Variants in MPZ observed in about 807,000 individuals in gnomAD.
MPZ encodes the protein myelin protein zero.
In MPZ, 13 loss-of-function variants were observed where a neutral mutation model predicts 27.9. That is an observed-to-expected ratio of 0.47 (90% CI 0.30 to 0.74). The LOEUF (loss-of-function observed/expected upper bound fraction) is 0.74. Ranked by LOEUF, MPZ falls within the 30% of genes least tolerant of loss-of-function variation. The pLI, the probability that MPZ is intolerant of heterozygous loss-of-function variation, is 0.06. For missense variants in MPZ, 256 were observed against 317.5 expected, an observed-to-expected ratio of 0.81 and a Z score of 1.47; for synonymous variants, 118 against 128.9, an observed-to-expected ratio of 0.92 and a Z score of 0.57.
chr1:161,309,502 C>T (rs1250095356), intron 1 of MPZ, among the ~76,000 whole-genome samples: 1 of 141,240 alleles, frequency 7.1e-6, no homozygotes, highest in East Asian at 2.0e-4. Flanking sequence ...AAAACCTCTA[C>T]TTCCTCCCTC....
Position 161,307,246 on chromosome 1 carries a change from C to A in MPZ, c.234+12G>T. ...TCTGTTATCCAACCCCAGGATTCCC[C>A]CAGGCACTCACCGAAATGGCATCTC... is the stretch of plus-strand genomic sequence containing the variant. On this transcript the variant is annotated intron_variant, in intron 2 of 5. Transcript: ENST00000533357. 6.2e-7 allele frequency: 1 copy of A among 1,614,212 alleles called. No homozygotes were observed. The highest frequency in any genetic ancestry group is 8.5e-7 in the Non-Finnish European group (1 of 1,180,040).
chr1:161,309,552 A>ATATATATATTTTTTTTTTT, intron 1 of MPZ, among the ~76,000 whole-genome samples: 15 of 80,658 alleles, frequency 1.9e-4, no homozygotes, highest in African/African-American at 2.9e-4. Context: ...ATATATATAT[A>ATATATATATTTTTTTTTTT]TTTTTTTTTT....
intron 1 of MPZ, among the ~76,000 whole-genome samples, chr1:161,309,552 A>ATATTTT: frequency 1.2e-4 from 10 of 80,666 alleles, no homozygotes; most frequent in African/African-American, 2.9e-4. Context: ...ATATATATAT[A>ATATTTT]TTTTTTTTTT....
At position 161,306,097 on chromosome 1, in the gene MPZ, G is replaced by T. The variant is rs758959832; in HGVS notation, c.645+11C>A. 4.3e-6 allele frequency: 7 copies of T among 1,614,030 alleles called. No individual in the cohort carries two copies. Among genetic ancestry groups the T allele is most frequent in the Non-Finnish European group, 2.5e-6 (3 of 1,180,018 alleles). On this transcript the variant is annotated intron_variant, in intron 5 of 5. Transcript: ENST00000533357. ...CCTTCCCATCTTGTCTAGGCCCCAA[G>T]TCCCGCTAACCTGCCGCCCGCGCTT...
rs771511424 is a variant in MPZ, at chr1:161,305,823, C to G, written c.*53G>C. ...CATCTCGATGACCATCACCTTTGGG[C>G]CTTTGGCGGACTCCACCCCTAACCC... On this transcript the variant is annotated 3_prime_UTR_variant, in exon 6 of 6. Coordinates refer to ENST00000533357, the MANE Select transcript of MPZ (RefSeq NM_000530.8). The G allele has an allele frequency of 7.4e-7, 1 of 1,350,286 alleles. No homozygotes were observed. Among genetic ancestry groups the G allele is most frequent in the Non-Finnish European group, 1.1e-6 (1 of 952,374 alleles). 83.6% of individuals were successfully genotyped at this position (1,350,286 alleles called of 1,614,324 possible).
At position 161,305,556 on chromosome 1, in the gene MPZ, A is replaced by G; in HGVS notation, c.*320T>C. On this transcript the variant is annotated 3_prime_UTR_variant, in exon 6 of 6. Coordinates refer to ENST00000533357, the MANE Select transcript of MPZ (RefSeq NM_000530.8). ...TGCCTGGGGAATGAATTCTGGAATG[A>G]AACTTACATCTCAAAGGGAGGTGAG... 2.7e-6 allele frequency: 1 copy of G among 375,438 alleles called. No individual in the cohort carries two copies. The highest frequency in any genetic ancestry group is 4.9e-6 in the Non-Finnish European group (1 of 204,544). 23.3% of individuals were successfully genotyped at this position (375,438 alleles called of 1,614,324 possible). A position where few individuals can be genotyped will look rare whatever the true frequency, so the allele number is the denominator to read the frequency against.
At chr1:161,309,552 A>ATATTTTTTTTT in intron 1 of MPZ, among the ~76,000 whole-genome samples, 28 of 80,636 alleles carry the variant, frequency 3.5e-4, no homozygotes, top group African/African-American at 1.5e-3. Context: ...ATATATATAT[A>ATATTTTTTTTT]TTTTTTTTTT....
intron 1 of MPZ, among the ~76,000 whole-genome samples, chr1:161,308,025 C>G (rs1013723802): frequency 3.9e-5 from 6 of 152,034 alleles, no homozygotes; most frequent in African/African-American, 1.4e-4. Context: ...GCATTGTATT[C>G]TAGTGTCTTT....
rs1292226768 is a variant in MPZ at position 161,305,353 on chromosome 1, GGAT to G, written c.*520_*522del. 1 of 159,248 alleles carries G rather than the reference GGAT, an allele frequency of 6.3e-6. No individual in the cohort carries two copies. The highest frequency in any genetic ancestry group is 2.4e-5 in the African/African-American group (1 of 41,438). 9.9% of individuals were successfully genotyped at this position (159,248 alleles called of 1,614,324 possible). ...GAAACAGCCAGGGGGACAGGCTGGG[GGAT>G]GCAGGAGATGGGAATGCCAGGTGGC... On this transcript the variant is annotated 3_prime_UTR_variant, in exon 6 of 6. Transcript: ENST00000533357.
Position 161,306,172 on chromosome 1 carries a change from CAAG to C in MPZ, c.585-7_585-5del, listed in dbSNP as rs770501358. 24 of 1,614,110 alleles carry C rather than the reference CAAG, an allele frequency of 1.5e-5. No individual in the cohort carries two copies. Among genetic ancestry groups the C allele is most frequent in the Middle Eastern group, 1.6e-4 (1 of 6,084 alleles). On this transcript the variant is annotated splice_polypyrimidine_tract_variant and splice_region_variant and intron_variant, in intron 4 of 5. Coordinates refer to ENST00000533357, the MANE Select transcript of MPZ (RefSeq NM_000530.8). ...CAATTTCCCCTTCTCCATAGCACTGCAAGAAGAGAGACTGCTGTACGTTTGGCC... is the reference window on the plus strand; with the variant it reads ...CAATTTCCCCTTCTCCATAGCACTGCAAGAGAGACTGCTGTACGTTTGGCC...
intron 2 of MPZ, 66 bp downstream of exon 2, chr1:161,307,192 T>C: frequency 6.2e-7 from 1 of 1,601,962 alleles, no homozygotes. Context: ...TAGCCCAAGT[T>C]ATCTTTTTTG....
intron 2 of MPZ, 85 bp downstream of exon 2, chr1:161,307,173 C>A (rs1220630909): frequency 6.5e-7 from 1 of 1,549,022 alleles, no homozygotes; most frequent in Non-Finnish European, 8.8e-7. Flanking sequence ...AAAAGGATTT[C>A]CCCCTCCTTA....
Position 161,309,552 on chromosome 1 carries a change from A to ATATTTTTTTTTTTTTT in MPZ, c.67+286_67+287insAAAAAAAAAAAAAATA. On this transcript the variant is annotated intron_variant, in intron 1 of 5. Coordinates refer to ENST00000533357, the MANE Select transcript of MPZ (RefSeq NM_000530.8). Reference sequence around the variant, plus strand: ...TTTCTTTTCATATATATATATATATATTTTTTTTTTTTTTGAATTTTACAG... The same window carrying ATATTTTTTTTTTTTTT: ...TTTCTTTTCATATATATATATATATATATTTTTTTTTTTTTTTTTTTTTTTTTTTTGAATTTTACAG... Among the ~76,000 whole-genome samples, 105 of 80,610 alleles carry ATATTTTTTTTTTTTTT rather than the reference A, an allele frequency of 1.3e-3. 1 individual carries two copies. The highest frequency in any genetic ancestry group is 1.9e-3 in the African/African-American group (33 of 17,332). 52.9% of individuals were successfully genotyped at this position (80,610 alleles called of 152,430 possible). A position where few individuals can be genotyped will look rare whatever the true frequency, so the allele number is the denominator to read the frequency against.
Position 161,306,403 on chromosome 1 carries a change from C to T in MPZ, c.510G>A (p.Leu170=). The change falls in exon 4 of 6, where the codon CTG becomes CTA. Residue 170 remains leucine (L), a synonymous_variant. Transcript: ENST00000533357. ...AVIGGVLGVV[L]LLLLLFYVVR... is the part of the protein sequence containing the mutation. Reference sequence around the variant, plus strand: ...CCACGTAGAAAAGCAGCAGCAGCAACAGCACCACCCCGAGGACACCCCCGA... The same window carrying T: ...CCACGTAGAAAAGCAGCAGCAGCAATAGCACCACCCCGAGGACACCCCCGA... The T allele has an allele frequency of 1.2e-6, 2 of 1,614,204 alleles. No individual in the cohort carries two copies. Among genetic ancestry groups the T allele is most frequent in the Non-Finnish European group, 1.7e-6 (2 of 1,180,036 alleles).
Position 161,306,820 on chromosome 1 carries a change from A to G in MPZ, c.336T>C (p.Ile112=). The G allele has an allele frequency of 6.2e-7, 1 of 1,613,914 alleles. No homozygotes were observed. The highest frequency in any genetic ancestry group is 8.5e-7 in the Non-Finnish European group (1 of 1,179,974). ...VGDPRWKDGS[I]VIHNLDYSDN... ...CACTGTAGTCTAGGTTGTGTATGAC[A>G]ATGGAGCCATCCTTCCAGCGAGGGT... The change falls in exon 3 of 6, where the codon ATT becomes ATC. Residue 112 remains isoleucine (I), a synonymous_variant. Coordinates refer to ENST00000533357, the MANE Select transcript of MPZ (RefSeq NM_000530.8).
intron 1 of MPZ, 151 bp from the exon 2 acceptor site, chr1:161,307,575 A>G (rs774626667): frequency 1.4e-6 from 1 of 738,634 alleles, no homozygotes; most frequent in Non-Finnish European, 2.3e-6. Context: ...GTCTCTGGGG[A>G]CTAACTGAAC....
In MPZ at chr1:161,309,939, T is replaced by G. The variant is rs1228124825; in HGVS notation, c.-34A>C. 3.9e-6 allele frequency: 6 copies of G among 1,539,390 alleles called. No individual in the cohort carries two copies. Among genetic ancestry groups the G allele is most frequent in the Non-Finnish European group, 5.3e-6 (6 of 1,130,904 alleles). On this transcript the variant is annotated 5_prime_UTR_variant, in exon 1 of 6. Transcript: ENST00000533357. ...CAGGGGCAGGGGCCCGGAGCATCTG[T>G]GGGGTTGAGAAAGTGGGGGACCAGG...
intron 1 of MPZ, among the ~76,000 whole-genome samples, chr1:161,308,001 T>C (rs1436455069): frequency 3.3e-5 from 5 of 152,306 alleles, no homozygotes; most frequent in Admixed American, 6.5e-5. Flanking sequence ...AGTTTTTTTT[T>C]CCACATACAT....
chr1:161,309,128 A>G (rs1670331051), intron 1 of MPZ, among the ~76,000 whole-genome samples: 1 of 152,210 alleles, frequency 6.6e-6, no homozygotes, highest in Non-Finnish European at 1.5e-5. Context: ...GAAGGAAGAC[A>G]GCTTTAGAGG....
Sources: allele counts gnomAD v4.1 joint callset (sites outside exome capture counted in the v4.1 genomes callset), GRCh38; gene constraint gnomAD v4.1.1; transcripts MANE v1.5; gene names NCBI Gene and HGNC (gene_info 2026-07-23, HGNC 2026-07-21).